Variants in ADGRV1 observed in about 807,000 individuals in gnomAD.
ADGRV1 encodes adhesion G protein-coupled receptor V1.
Under a neutral mutation model 596.2 loss-of-function variants are expected in ADGRV1, and 359 were observed. That is an observed-to-expected ratio of 0.60 (90% CI 0.55 to 0.66). The LOEUF (loss-of-function observed/expected upper bound fraction) is 0.66. Among genes scored for constraint, ADGRV1 ranks in the 30% least tolerant of loss-of-function variants. ADGRV1 has a pLI of 0.00. For synonymous variants in ADGRV1, 2,681 were observed against 2,679.2 expected, an observed-to-expected ratio of 1.00 and a Z score of -0.02; for missense variants, 7,274 against 7,575.6, an observed-to-expected ratio of 0.96 and a Z score of 1.48.
intron 88 of ADGRV1, among the ~76,000 whole-genome samples, chr5:91,150,784 A>ATT (rs1449334638): frequency 6.6e-6 from 1 of 152,156 alleles, no homozygotes; most frequent in Non-Finnish European, 1.5e-5. Flanking sequence ...TCTAGCCAGG[A>ATT]TTTCCTCTGT....
chr5:91,063,454 AT>A (rs1477191025), intron 85 of ADGRV1, among the ~76,000 whole-genome samples: 28 of 152,130 alleles, frequency 1.8e-4, no homozygotes, highest in Admixed American at 1.4e-3. Flanking sequence ...TAGTAGTGGT[AT>A]TTTCATTTAC....
intron 21 of ADGRV1, among the ~76,000 whole-genome samples, chr5:90,670,096 C>T (rs1374759265): frequency 6.6e-6 from 1 of 152,078 alleles, no homozygotes; most frequent in Non-Finnish European, 1.5e-5. Flanking sequence ...CTCTAAAATT[C>T]CAGACTCATT....
intron 85 of ADGRV1, among the ~76,000 whole-genome samples, chr5:91,050,673 A>G (rs1025549017): frequency 1.3e-5 from 2 of 152,076 alleles, no homozygotes; most frequent in Non-Finnish European, 2.9e-5. Context: ...ACCCTTGGCA[A>G]CATAGAGAGA....
intron 83 of ADGRV1, among the ~76,000 whole-genome samples, chr5:90,930,103 A>G (rs1223289476): frequency 1.3e-5 from 2 of 152,194 alleles, no homozygotes; most frequent in African/African-American, 4.8e-5. Flanking sequence ...TTTAAAAAAT[A>G]TATGATTTGT....
At chr5:90,603,678 G>C (rs1181139998) in intron 1 of ADGRV1, among the ~76,000 whole-genome samples, 1 of 151,962 alleles carries the variant, frequency 6.6e-6, no homozygotes, top group African/African-American at 2.4e-5. Context: ...AAGCTGAGTG[G>C]AATCAATGCT....
chr5:90,664,320 G>T (rs1177276969), intron 21 of ADGRV1, among the ~76,000 whole-genome samples: 1 of 149,242 alleles, frequency 6.7e-6, no homozygotes, highest in Non-Finnish European at 1.5e-5. Context: ...CCTTGAAGAG[G>T]TCCTTCACAT....
chr5:90,770,857 C>T (rs551103982), intron 59 of ADGRV1, among the ~76,000 whole-genome samples: 23 of 152,176 alleles, frequency 1.5e-4, no homozygotes, highest in Non-Finnish European at 2.4e-4. Context: ...AATTTTTATG[C>T]GTATCCAAAC....
At chr5:90,640,193 T>C (rs1428533139) in intron 11 of ADGRV1, among the ~76,000 whole-genome samples, 2 of 152,178 alleles carry the variant, frequency 1.3e-5, no homozygotes, top group African/African-American at 4.8e-5. Flanking sequence ...ACATTTGACA[T>C]GTGCTTTCAA....
chr5:91,120,243 T>A lies in ADGRV1; in HGVS notation c.18432+17903T>A, dbSNP rs568406308. Among the ~76,000 whole-genome samples, 4 of 152,318 alleles carry A rather than the reference T, an allele frequency of 2.6e-5. No homozygotes were observed. In the East Asian group the frequency reaches 5.8e-4, roughly 22 times the overall value. On this transcript the variant is annotated intron_variant, in intron 87 of 89. Coordinates refer to ENST00000405460, the MANE Select transcript of ADGRV1 (RefSeq NM_032119.4). ...ACAGCTATGTGGCTTCGGTTAAACATTTGCTGGACAGGAAGCAGATCCAGT... is the reference window on the plus strand; with the variant it reads ...ACAGCTATGTGGCTTCGGTTAAACAATTGCTGGACAGGAAGCAGATCCAGT...
At chr5:90,665,548 TC>T (rs1290991117) in intron 21 of ADGRV1, among the ~76,000 whole-genome samples, 1 of 151,580 alleles carries the variant, frequency 6.6e-6, no homozygotes, top group African/African-American at 2.4e-5. Flanking sequence ...ATTTTGTCGA[TC>T]CTTTCAAAAA....
At chr5:90,641,068 G>A (rs1252744578) in intron 11 of ADGRV1, among the ~76,000 whole-genome samples, 1 of 152,054 alleles carries the variant, frequency 6.6e-6, no homozygotes, top group African/African-American at 2.4e-5. Context: ...TTTATTTTTG[G>A]TCCTAAGAGT....
In ADGRV1 at chr5:90,863,867, C is replaced by CGCTGGCATTTTTGATTTAT; in HGVS notation, c.17856+11_17856+29dup. The CGCTGGCATTTTTGATTTAT allele has an allele frequency of 6.4e-7, 1 of 1,553,566 alleles. No homozygotes were observed. The highest frequency in any genetic ancestry group is 2.2e-5 in the East Asian group (1 of 44,566). ...CAGCTTAGGTACACAGGTAGGAGAG[C>CGCTGGCATTTTTGATTTAT]GCTGGCATTTTTGATTTATCGTGAG... On this transcript the variant is annotated intron_variant, in intron 83 of 89. Coordinates refer to ENST00000405460, the MANE Select transcript of ADGRV1 (RefSeq NM_032119.4).
At chr5:90,604,063 C>T (rs1163510998) in intron 1 of ADGRV1, among the ~76,000 whole-genome samples, 12 of 151,802 alleles carry the variant, frequency 7.9e-5, no homozygotes, top group Non-Finnish European at 1.5e-4. Flanking sequence ...GTCTAACTGG[C>T]AGCTACTGCT....
chr5:91,110,884 T>C (rs1489788652), intron 87 of ADGRV1, among the ~76,000 whole-genome samples: 1 of 148,574 alleles, frequency 6.7e-6, no homozygotes. Context: ...ACTGTTTCTC[T>C]GTGACTGACT....
intron 11 of ADGRV1, 40 bp from the exon 12 acceptor site, chr5:90,642,596 T>TG: frequency 1.3e-6 from 2 of 1,598,898 alleles, no homozygotes; most frequent in Non-Finnish European, 1.7e-6. Flanking sequence ...GAAGTAAAAC[T>TG]GGAAGTAGCG....
At chr5:90,618,715 T>C (rs1349497935) in intron 3 of ADGRV1, among the ~76,000 whole-genome samples, 1 of 152,112 alleles carries the variant, frequency 6.6e-6, no homozygotes, top group East Asian at 1.9e-4. Context: ...GTACCTTCAA[T>C]AGCATAGGAA....
intron 86 of ADGRV1, among the ~76,000 whole-genome samples, chr5:91,075,806 C>CA (rs34225153): frequency 6.6e-6 from 1 of 151,660 alleles, no homozygotes; most frequent in African/African-American, 2.4e-5. Flanking sequence ...CTCATTGCCC[C>CA]AAAAAAAAGT....
intron 1 of ADGRV1, among the ~76,000 whole-genome samples, chr5:90,596,045 C>T (rs576811839): frequency 8.0e-5 from 12 of 149,190 alleles, no homozygotes; most frequent in East Asian, 2.1e-4. Context: ...GGGTGGCTGC[C>T]GGGCGGAGGG....
In ADGRV1 at chr5:90,618,438, G is replaced by A. The variant is rs957823311; in HGVS notation, c.357+485G>A. On this transcript the variant is annotated intron_variant, in intron 3 of 89. Transcript: ENST00000405460. ...GTTTATTAGGTTGAGGCAATGACTC[G>A]CTAACACCATTCTGGTTGTTTTTTC... 3.3e-5 allele frequency among the ~76,000 whole-genome samples: 5 copies of A among 152,082 alleles called. No individual in the cohort carries two copies. In the East Asian group the frequency reaches 5.8e-4, roughly 18 times the overall value.
Sources: allele counts gnomAD v4.1 joint callset (sites outside exome capture counted in the v4.1 genomes callset), GRCh38; gene constraint gnomAD v4.1.1; transcripts MANE v1.5; gene names NCBI Gene and HGNC (gene_info 2026-07-23, HGNC 2026-07-21).